CYFIP1: variants seen among roughly 807,000 people sequenced by gnomAD.
CYFIP1 encodes cytoplasmic FMR1-interacting protein 1.
Under a neutral mutation model 163.5 loss-of-function variants are expected in CYFIP1, and 58 were observed. That is an observed-to-expected ratio of 0.35 (90% CI 0.29 to 0.44). CYFIP1 has a LOEUF of 0.44. Among genes scored for constraint, CYFIP1 ranks in the 20% least tolerant of loss-of-function variants. The pLI, the probability that CYFIP1 is intolerant of heterozygous loss-of-function variation, is 1.00. For synonymous variants in CYFIP1, 663 were observed against 660.7 expected (o/e 1.00, Z -0.05); for missense variants, 1,338 against 1,653.8 (o/e 0.81, Z 3.31).
In CYFIP1 at chr15:22,869,720, T is replaced by C. The variant is rs913085831; in HGVS notation, c.*308A>G. 4.4e-5 allele frequency: 10 copies of C among 225,922 alleles called. No individual in the cohort carries two copies. Among genetic ancestry groups the C allele is most frequent in the African/African-American group, 2.0e-4 (9 of 44,146 alleles). The allele number at this position is 225,922 out of a possible 1,614,324, so 14.0% of individuals were successfully genotyped here. On this transcript the variant is annotated 3_prime_UTR_variant, in exon 31 of 31. Transcript: ENST00000617928. ...GCATTTGCTGGTATTAAGTTTCTTA[T>C]GGAATGAATGAATGAACCCAGCAGC...
At chr15:22,874,206 G>C (rs2059516718) in intron 28 of CYFIP1, among the ~76,000 whole-genome samples, 1 of 152,216 alleles carries the variant, frequency 6.6e-6, no homozygotes, top group African/African-American at 2.4e-5. Flanking sequence ...GATCACTGTA[G>C]AACTCTACCC....
intron 23 of CYFIP1, among the ~76,000 whole-genome samples, chr15:22,890,139 TAA>T (rs375604535): frequency 3.6e-5 from 5 of 137,964 alleles, no homozygotes; most frequent in African/African-American, 2.7e-5. Context: ...CCATCTCTAC[TAA>T]AAAAAAAAAA....
chr15:22,894,178 CG>C (rs973181689), intron 22 of CYFIP1, among the ~76,000 whole-genome samples: 1 of 149,614 alleles, frequency 6.7e-6, no homozygotes, highest in African/African-American at 2.5e-5. Context: ...ATGGTGACGG[CG>C]GGGTGCGGGA....
In CYFIP1 at chr15:22,954,336, G is replaced by A. The variant is rs546072424; in HGVS notation, c.-6-7045C>T. 1.1e-3 allele frequency among the ~76,000 whole-genome samples: 173 copies of A among 152,280 alleles called. 1 individual carries two copies. The highest frequency in any genetic ancestry group is 6.8e-3 in the Middle Eastern group (2 of 294). ...TGGTGTTTTGTTAATGGTAGCCCTG[G>A]CAAATGAACACAGAGCCAAGAACAG... On this transcript the variant is annotated intron_variant, in intron 1 of 30. Transcript: ENST00000617928.
chr15:22,876,479 T>C (rs1244857034), intron 26 of CYFIP1, among the ~76,000 whole-genome samples: 15 of 152,082 alleles, frequency 9.9e-5, no homozygotes, highest in Non-Finnish European at 2.1e-4. Context: ...CTTGTGGTTC[T>C]ATAATTATTT....
intron 10 of CYFIP1, among the ~76,000 whole-genome samples, chr15:22,933,375 C>T (rs187838036): frequency 4.1e-4 from 61 of 150,290 alleles, no homozygotes; most frequent in African/African-American, 6.9e-4. Context: ...AGTGCAGTGG[C>T]GCGATCTCTG....
intron 9 of CYFIP1, 129 bp from the exon 10 acceptor site, chr15:22,934,022 A>G (rs1008799699): frequency 3.7e-6 from 2 of 542,818 alleles, no homozygotes; most frequent in African/African-American, 3.9e-5. Context: ...GATTCATTAC[A>G]AAAAAAAAAC....
At chr15:22,897,324 AAAAG>A (rs1470407849) in intron 22 of CYFIP1, among the ~76,000 whole-genome samples, 2 of 152,070 alleles carry the variant, frequency 1.3e-5, no homozygotes, top group Non-Finnish European at 2.9e-5. Context: ...GGAGAAAAAA[AAAAG>A]AGAGAGTGTT....
rs1566956152 is a variant in CYFIP1 at position 22,909,174 on chromosome 15, G to A, written c.2388+20C>T. 1 of 1,613,188 alleles carries A rather than the reference G, an allele frequency of 6.2e-7. No homozygotes were observed. Among genetic ancestry groups the A allele is most frequent in the South Asian group, 1.1e-5 (1 of 91,048 alleles). ...TACCCTTAGTCCAATTTATCAATAG[G>A]GCAAAGTGAAATTACTTACAACTAT... On this transcript the variant is annotated intron_variant, in intron 21 of 30. Transcript: ENST00000617928.
At chr15:22,910,036 G>T (rs1377119505) in intron 20 of CYFIP1, among the ~76,000 whole-genome samples, 2 of 152,202 alleles carry the variant, frequency 1.3e-5, no homozygotes, top group African/African-American at 4.8e-5. Flanking sequence ...GGTGTTCCCT[G>T]TGTGTGAGGT....
At position 22,928,024 on chromosome 15, in the gene CYFIP1, A is replaced by C. The variant is rs2061413575; in HGVS notation, c.1115T>G (p.Val372Gly). ...ELARYSNSEV[V>G]TGSGRQEAQK... Reference sequence around the variant, plus strand: ...GGCCTCCTGGCGGCCCGAGCCCGTGACCACCTGCACAAGGCGGGCACGGCC... The same window carrying C: ...GGCCTCCTGGCGGCCCGAGCCCGTGCCCACCTGCACAAGGCGGGCACGGCC... Residue 372 changes from valine to glycine, a missense_variant, in exon 12 of 31, where the codon GTC becomes GGC. Transcript: ENST00000617928. 1 of 1,554,524 alleles carries C rather than the reference A, an allele frequency of 6.4e-7. No homozygotes were observed. The highest frequency in any genetic ancestry group is 8.7e-7 in the Non-Finnish European group (1 of 1,155,094).
chr15:22,894,829 T>C (rs911545141), intron 22 of CYFIP1, among the ~76,000 whole-genome samples: 3 of 147,420 alleles, frequency 2.0e-5, no homozygotes, highest in South Asian at 2.1e-4. Flanking sequence ...ATTATATATA[T>C]ACATTTATAG....
At chr15:22,973,122 TGA>T (rs1212474172) in intron 1 of CYFIP1, among the ~76,000 whole-genome samples, 1 of 151,546 alleles carries the variant, frequency 6.6e-6, no homozygotes, top group Non-Finnish European at 1.5e-5. Context: ...GGCGACAGAG[TGA>T]GACTCCGTCT....
chr15:22,901,040 T>C (rs1202832337), intron 22 of CYFIP1, among the ~76,000 whole-genome samples: 1 of 151,440 alleles, frequency 6.6e-6, no homozygotes, highest in Non-Finnish European at 1.5e-5. Flanking sequence ...CTGTCTCTAT[T>C]AAAATTATAA....
rs141815988 is a variant in CYFIP1, at chr15:22,881,862, G to C, written c.2895C>G (p.His965Gln). ...CGCACTCACCAGGAGAGCCGTACTC[G>C]TGCCGGGGCAGGCGGCAGATCTTGG... The part of the protein sequence containing the change: ...VMPKICRLPR[H>Q]EYGSPGILEF... The change falls in exon 25 of 31, where the codon CAC becomes CAG. Residue 965 changes from histidine to glutamine, a missense_variant. By Grantham distance (24) the His-to-Gln change is conservative (BLOSUM62 0). Around this residue, in one of 4 missense-constraint regions of CYFIP1, gnomAD observed 824 missense variants for 995.7 expected, o/e 0.83. Coordinates refer to ENST00000617928, the MANE Select transcript of CYFIP1 (RefSeq NM_014608.6). 2 of 1,611,512 alleles carry C rather than the reference G, an allele frequency of 1.2e-6. No homozygotes were observed. The highest frequency in any genetic ancestry group is 2.2e-5 in the East Asian group (1 of 44,874).
intron 23 of CYFIP1, among the ~76,000 whole-genome samples, chr15:22,888,451 G>T (rs565659821): frequency 3.9e-5 from 6 of 152,204 alleles, no homozygotes; most frequent in African/African-American, 1.2e-4. Flanking sequence ...ACTGGTTTAG[G>T]ACTAGGCACG....
chr15:22,965,954 C>T (rs2062887248), intron 1 of CYFIP1, among the ~76,000 whole-genome samples: 1 of 152,142 alleles, frequency 6.6e-6, no homozygotes, highest in South Asian at 2.1e-4. Flanking sequence ...GAAGCCTTAA[C>T]CCCCAGGACC....
chr15:22,918,923 C>T, intron 13 of CYFIP1, 65 bp from the exon 14 acceptor site: 1 of 1,333,596 alleles, frequency 7.5e-7, no homozygotes. Flanking sequence ...CTCTGCCTGG[C>T]ACATGCCGGG....
chr15:22,882,728 T>C, intron 24 of CYFIP1, 140 bp downstream of exon 24: 1 of 934,146 alleles, frequency 1.1e-6, no homozygotes, highest in South Asian at 1.6e-5. Flanking sequence ...TATCAAACTA[T>C]ATATGGTCAG....
Sources: allele counts gnomAD v4.1 joint callset (sites outside exome capture counted in the v4.1 genomes callset), GRCh38; gene constraint gnomAD v4.1.1; regional missense constraint gnomAD v4.1.1; transcripts MANE v1.5; gene names NCBI Gene and HGNC (gene_info 2026-07-23, HGNC 2026-07-21).